The following ZNF804A variants were observed in gnomAD, a reference collection of about 807,000 sequenced individuals.
ZNF804A encodes zinc finger protein 804A.
ZNF804A carries 2 observed loss-of-function variants against 16.5 expected under a neutral mutation model. The observed-to-expected ratio is 0.12, with a 90% confidence interval of 0.05 to 0.38. The LOEUF is 0.38. Among genes scored for constraint, ZNF804A ranks in the 10% least tolerant of loss-of-function variants. The probability of loss-of-function intolerance (pLI) is 0.99; values close to 1 mark genes in which losing one functional copy is unlikely to be tolerated. For synonymous variants in ZNF804A, 534 were observed against 489.6 expected (o/e 1.09, Z -1.20); for missense variants, 1,473 against 1,390.7 (o/e 1.06, Z -0.94).
At chr2:184,764,259 G>A (rs1385414251) in intron 1 of ZNF804A, among the ~76,000 whole-genome samples, 1 of 151,456 alleles carries the variant, frequency 6.6e-6, no homozygotes, top group Non-Finnish European at 1.5e-5. Context: ...TAGTCATGAA[G>A]CCATCTTTAT....
At chr2:184,814,653 A>G (rs181291762) in intron 1 of ZNF804A, among the ~76,000 whole-genome samples, 3 of 152,198 alleles carry the variant, frequency 2.0e-5, no homozygotes, top group East Asian at 3.9e-4. Flanking sequence ...TGCCTGGGAT[A>G]TAATCACTTG....
chr2:184,660,428 C>T lies in ZNF804A; in HGVS notation c.111+61358C>T, dbSNP rs73043241. Among the ~76,000 whole-genome samples, 1,027 of 152,252 alleles carry T rather than the reference C, an allele frequency of 6.7e-3. 10 individuals carry two copies. The highest frequency in any genetic ancestry group is 0.024 in the African/African-American group (982 of 41,558). ...AGATTCTCTAAAATAAAACAGAAAG[C>T]TTGTCAATAAATTATTTCAGAAACA... On this transcript the variant is annotated intron_variant, in intron 1 of 3. Transcript: ENST00000302277.
At chr2:184,609,125 G>C (rs1174052697) in intron 1 of ZNF804A, among the ~76,000 whole-genome samples, 1 of 152,144 alleles carries the variant, frequency 6.6e-6, no homozygotes, top group East Asian at 1.9e-4. Context: ...ATAAAGTTCA[G>C]GTAATGAGGA....
intron 1 of ZNF804A, among the ~76,000 whole-genome samples, chr2:184,707,843 A>C (rs567262978): frequency 9.9e-5 from 15 of 152,032 alleles, no homozygotes; most frequent in Admixed American, 3.3e-4. Flanking sequence ...GGTAGTTCGA[A>C]GTTCTTTGAG....
intron 1 of ZNF804A, among the ~76,000 whole-genome samples, chr2:184,659,346 CAGTAAT>C (rs1209825021): frequency 6.6e-6 from 1 of 152,102 alleles, no homozygotes; most frequent in Admixed American, 6.6e-5. Flanking sequence ...GTCCTCCTCT[CAGTAAT>C]AGTAATATTT....
intron 1 of ZNF804A, among the ~76,000 whole-genome samples, chr2:184,616,530 G>T (rs1228735907): frequency 1.3e-5 from 2 of 152,084 alleles, no homozygotes; most frequent in Non-Finnish European, 2.9e-5. Context: ...TCTTATAGAA[G>T]AATTATCGTT....
In ZNF804A at chr2:184,914,734, A is replaced by G. The variant is rs142671621; in HGVS notation, c.256-18869A>G. On this transcript the variant is annotated intron_variant, in intron 2 of 3. Coordinates refer to ENST00000302277, the MANE Select transcript of ZNF804A (RefSeq NM_194250.2). ...TAACATTTTTGAAAAAGATAAAAAG[A>G]ATAAATGATATATTTACACGTATAT... Among the ~76,000 whole-genome samples, 1,451 of 152,122 alleles carry G rather than the reference A, an allele frequency of 9.5e-3. 11 individuals are homozygous for G. Among genetic ancestry groups the G allele is most frequent in the Non-Finnish European group, 0.015 (1,016 of 67,930 alleles).
intron 1 of ZNF804A, among the ~76,000 whole-genome samples, chr2:184,619,464 T>G (rs1691383712): frequency 6.6e-6 from 1 of 151,960 alleles, no homozygotes; most frequent in South Asian, 2.1e-4. Flanking sequence ...GTCAACATTA[T>G]TAATGGCAAT....
chr2:184,870,755 T>C (rs1695962711), intron 2 of ZNF804A, among the ~76,000 whole-genome samples: 1 of 152,036 alleles, frequency 6.6e-6, no homozygotes, highest in South Asian at 2.1e-4. Context: ...CAAAATGATC[T>C]ATTTATGGAT....
At chr2:184,852,359 G>C (rs1356143323) in intron 1 of ZNF804A, among the ~76,000 whole-genome samples, 1 of 151,306 alleles carries the variant, frequency 6.6e-6, no homozygotes, top group East Asian at 1.9e-4. Flanking sequence ...TGGATAAAAG[G>C]GGGCTACTGT....
Position 184,937,388 on chromosome 2 carries a change from C to A in ZNF804A, c.1992C>A (p.Ser664=). The change falls in exon 4 of 4, where the codon TCC becomes TCA. Residue 664 remains serine (S), a synonymous_variant. Transcript: ENST00000302277. The part of the protein sequence containing the change: ...QLLDKRPKSE[S]ISLSDNEEMC... The stretch of plus-strand genomic sequence containing the variant: ...TTGATAAAAGGCCCAAATCAGAATC[C>A]ATATCCTTAAGTGACAATGAAGAAA... The A allele has an allele frequency of 1.2e-6, 2 of 1,613,532 alleles. No homozygotes were observed. The highest frequency in any genetic ancestry group is 1.7e-6 in the Non-Finnish European group (2 of 1,179,780).
chr2:184,702,475 C>T (rs764796078), intron 1 of ZNF804A, among the ~76,000 whole-genome samples: 3 of 152,034 alleles, frequency 2.0e-5, no homozygotes, highest in Non-Finnish European at 2.9e-5. Context: ...TCCAGTTCTG[C>T]CACTTTAAAT....
chr2:184,877,788 TC>T (rs1222509805), intron 2 of ZNF804A, among the ~76,000 whole-genome samples: 2 of 151,966 alleles, frequency 1.3e-5, no homozygotes, highest in African/African-American at 4.8e-5. Flanking sequence ...TATTGTTACT[TC>T]CCCTTTGATG....
At chr2:184,780,406 G>C (rs1010744507) in intron 1 of ZNF804A, among the ~76,000 whole-genome samples, 1 of 151,750 alleles carries the variant, frequency 6.6e-6, no homozygotes, top group African/African-American at 2.4e-5. Flanking sequence ...AATAGACTTA[G>C]GAATTATTCC....
At chr2:184,732,600 T>C (rs1302872214) in intron 1 of ZNF804A, among the ~76,000 whole-genome samples, 1 of 152,184 alleles carries the variant, frequency 6.6e-6, no homozygotes, top group East Asian at 1.9e-4. Flanking sequence ...TTTCATTTAA[T>C]CTGTAAATCA....
intron 1 of ZNF804A, among the ~76,000 whole-genome samples, chr2:184,697,579 G>A (rs1692852744): frequency 6.6e-6 from 1 of 151,876 alleles, no homozygotes; most frequent in Non-Finnish European, 1.5e-5. Flanking sequence ...TCATGATTAG[G>A]CTAATGAGGG....
intron 1 of ZNF804A, among the ~76,000 whole-genome samples, chr2:184,730,084 A>G (rs911246254): frequency 6.6e-6 from 1 of 152,154 alleles, no homozygotes; most frequent in Non-Finnish European, 1.5e-5. Context: ...TTAAGAGATT[A>G]TTTTGGTAAA....
chr2:184,936,113 T>C lies in ZNF804A; in HGVS notation c.717T>C (p.Asp239=). 6.2e-7 allele frequency: 1 copy of C among 1,614,080 alleles called. No homozygotes were observed. Among genetic ancestry groups the C allele is most frequent in the Non-Finnish European group, 8.5e-7 (1 of 1,179,958 alleles). Residue 239 remains aspartate, a synonymous_variant, in exon 4 of 4, where the codon GAT becomes GAC. Coordinates refer to ENST00000302277, the MANE Select transcript of ZNF804A (RefSeq NM_194250.2). ...CAGCCTTCTCTGAATACAGTGATGA[T>C]GCCTCAGTGGGAAAAGGATTTAGCA... The part of the protein sequence containing the change: ...SAAAFSEYSD[D]ASVGKGFSRK...
intron 1 of ZNF804A, among the ~76,000 whole-genome samples, chr2:184,686,174 A>G (rs1692627189): frequency 6.6e-6 from 1 of 152,206 alleles, no homozygotes; most frequent in Non-Finnish European, 1.5e-5. Context: ...GGCCCCCAAG[A>G]GTGCAGGGAT....
Sources: allele counts gnomAD v4.1 joint callset (sites outside exome capture counted in the v4.1 genomes callset), GRCh38; gene constraint gnomAD v4.1.1; transcripts MANE v1.5; gene names NCBI Gene and HGNC (gene_info 2026-07-23, HGNC 2026-07-21).